The following PRDM10 variants were observed in gnomAD, a reference collection of about 807,000 sequenced individuals.
The protein encoded by PRDM10 is PR domain zinc finger protein 10.
PRDM10 carries 65 observed loss-of-function variants against 133.1 expected under a neutral mutation model. The ratio of observed to expected loss-of-function variants is 0.49; its 90% CI spans 0.40 to 0.60. The LOEUF is 0.60. Among genes scored for constraint, PRDM10 ranks in the 20% least tolerant of loss-of-function variants. PRDM10 has a pLI of 0.00. For synonymous variants in PRDM10, 582 were observed against 580.4 expected (o/e 1.00, Z -0.04); for missense variants, 1,137 against 1,507.1 (o/e 0.75, Z 4.07).
At position 129,918,859 on chromosome 11, in the gene PRDM10, G is replaced by A. The variant is rs566780273; in HGVS notation, c.2035-141C>T. 19 of 818,784 alleles carry A rather than the reference G, an allele frequency of 2.3e-5. No homozygotes were observed. The highest frequency in any genetic ancestry group is 1.2e-4 in the South Asian group (7 of 57,294). The allele number at this position is 818,784 out of a possible 1,614,324, so 50.7% of individuals were successfully genotyped here. Reference sequence around the variant, plus strand: ...ATTTGAGTTGCTGGAACACTAGGACGCAGACATGTTAAAAGTGGCTGGGAG... The same window carrying A: ...ATTTGAGTTGCTGGAACACTAGGACACAGACATGTTAAAAGTGGCTGGGAG... On this transcript the variant is annotated intron_variant, in intron 13 of 20. Transcript: ENST00000360871. The surrounding 1 kb of genome is among the most constrained non-coding windows in gnomAD (Gnocchi z 5.3).
rs1192990396 is a variant in PRDM10 at position 129,913,711 on chromosome 11, T to C, written c.2841+993A>G. Among the ~76,000 whole-genome samples the C allele has an allele frequency of 2.0e-5, 3 of 152,218 alleles. No individual in the cohort carries two copies. The East Asian group carries it at 5.8e-4, about 29-fold the overall frequency. ...ATATAGCTTCCTCCAAAGCCTGAAG[T>C]TAAAAACCCTCCATAAGAAAAACAA... On this transcript the variant is annotated intron_variant, in intron 17 of 20. Coordinates refer to ENST00000360871, the MANE Select transcript of PRDM10 (RefSeq NM_199437.2).
Position 129,947,691 on chromosome 11 carries a change from A to G in PRDM10, c.295-321T>C. On this transcript the variant is annotated intron_variant, in intron 4 of 20. Coordinates refer to ENST00000360871, the MANE Select transcript of PRDM10 (RefSeq NM_199437.2). This position sits in a 1 kb window ranked among gnomAD's most constrained non-coding sequence, Gnocchi z 4.6. ...AGTCAACACTGGCAAGGCCCTGACC[A>G]CCTGCGTCCTGACCCCACCCCTAAA... 1.6e-6 allele frequency: 1 copy of G among 616,418 alleles called. No individual in the cohort carries two copies. The highest frequency in any genetic ancestry group is 2.2e-5 in the South Asian group (1 of 46,456). 38.2% of individuals were successfully genotyped at this position (616,418 alleles called of 1,614,324 possible). A position where few individuals can be genotyped will look rare whatever the true frequency, so the allele number is the denominator to read the frequency against.
At chr11:129,974,540 A>T (rs1203194837) in intron 1 of PRDM10, among the ~76,000 whole-genome samples, 1 of 152,142 alleles carries the variant, frequency 6.6e-6, no homozygotes, top group Non-Finnish European at 1.5e-5. Context: ...AAGAAAAGAG[A>T]AACATGAATC....
At chr11:129,970,273 T>A (rs1951990603) in intron 1 of PRDM10, among the ~76,000 whole-genome samples, 1 of 152,248 alleles carries the variant, frequency 6.6e-6, no homozygotes, top group Non-Finnish European at 1.5e-5. Context: ...TTGGTTCATT[T>A]AATCCTCACA....
Position 129,942,648 on chromosome 11 carries a change from A to G in PRDM10, c.763-19T>C. On this transcript the variant is annotated intron_variant, in intron 6 of 20. Transcript: ENST00000360871. ...GAGAAACCTGCACGAAAAAAAAGCC[A>G]CACCAAAAACAAAACAAAACCTTCA... The G allele has an allele frequency of 6.3e-7, 1 of 1,584,806 alleles. No homozygotes were observed. Among genetic ancestry groups the G allele is most frequent in the Non-Finnish European group, 8.6e-7 (1 of 1,162,264 alleles).
chr11:129,918,170 G>A lies in PRDM10; in HGVS notation c.2214+369C>T, dbSNP rs907928021. On this transcript the variant is annotated intron_variant, in intron 14 of 20. Coordinates refer to ENST00000360871, the MANE Select transcript of PRDM10 (RefSeq NM_199437.2). The surrounding 1 kb of genome is among the most constrained non-coding windows in gnomAD (Gnocchi z 5.3). ...TAAAATAAAAGGGAACAGCTGGGGA[G>A]AAGGCAAATACCCCATTAAAAAAAT... Among the ~76,000 whole-genome samples the A allele has an allele frequency of 3.3e-5, 5 of 151,318 alleles. No homozygotes were observed. The highest frequency in any genetic ancestry group is 7.4e-5 in the Non-Finnish European group (5 of 67,912).
At chr11:129,984,812 G>A (rs1405371372) in intron 1 of PRDM10, among the ~76,000 whole-genome samples, 1 of 152,096 alleles carries the variant, frequency 6.6e-6, no homozygotes, top group Non-Finnish European at 1.5e-5. Flanking sequence ...CTCTCCTTCC[G>A]CTCATCCAGC....
Position 129,917,220 on chromosome 11 carries a change from C to T in PRDM10, c.2232G>A (p.Lys744=), listed in dbSNP as rs776470233. Residue 744 remains lysine (K), a synonymous_variant, in exon 15 of 21, where the codon AAG becomes AAA. Transcript: ENST00000360871. ...RRGMLVNHLS[K]RHPDMKIEEV... is the part of the protein sequence containing the mutation. ...CTTCTATCTTCATGTCTGGGTGTCT[C>T]TTCGATAAGTGATTTACCTAAAGGG... The T allele has an allele frequency of 1.2e-6, 2 of 1,612,314 alleles. No homozygotes were observed. The highest frequency in any genetic ancestry group is 8.5e-7 in the Non-Finnish European group (1 of 1,178,566).
intron 6 of PRDM10, 71 bp from the exon 7 acceptor site, chr11:129,942,700 A>T (rs910592485): frequency 7.6e-7 from 1 of 1,309,770 alleles, no homozygotes; most frequent in African/African-American, 1.5e-5. Context: ...ATAATGTCAC[A>T]ATACGCAAAA....
At chr11:129,997,563 G>A (rs1939130601) in intron 1 of PRDM10, among the ~76,000 whole-genome samples, 1 of 152,176 alleles carries the variant, frequency 6.6e-6, no homozygotes, top group African/African-American at 2.4e-5. Context: ...TCAAAGTATT[G>A]TGGTCTTTTT....
chr11:129,992,881 T>C (rs1458950864), intron 1 of PRDM10, among the ~76,000 whole-genome samples: 2 of 152,350 alleles, frequency 1.3e-5, no homozygotes, highest in African/African-American at 4.8e-5. Context: ...GAAACAAAGC[T>C]ACCTGTGTGT....
intron 2 of PRDM10, 64 bp downstream of exon 2, chr11:129,960,823 ATTTCTTTGC>A (rs1420012722): frequency 2.7e-6 from 4 of 1,490,642 alleles, no homozygotes; most frequent in Non-Finnish European, 3.7e-6. Context: ...TAGCAGCTGT[ATTTCTTTGC>A]TGTCAGCAAA....
At chr11:129,937,477 A>T (rs1951069643) in intron 8 of PRDM10, 121 bp downstream of exon 8, 1 of 759,278 alleles carries the variant, frequency 1.3e-6, no homozygotes, top group Non-Finnish European at 2.0e-6. Flanking sequence ...GTCTCTAAAA[A>T]ACCTACTGGA....
intron 4 of PRDM10, among the ~76,000 whole-genome samples, chr11:129,953,917 T>TTA (rs963206178): frequency 2.0e-5 from 3 of 147,196 alleles, no homozygotes; most frequent in African/African-American, 7.4e-5. Context: ...AATATATATA[T>TTA]TATATATATA....
chr11:129,909,853 A>AGC (rs1233259242), intron 19 of PRDM10, among the ~76,000 whole-genome samples: 1 of 152,232 alleles, frequency 6.6e-6, no homozygotes. Flanking sequence ...GATGATGGTC[A>AGC]GCTGCACAGT....
chr11:129,933,674 C>T (rs1455888494), intron 9 of PRDM10, among the ~76,000 whole-genome samples: 2 of 152,146 alleles, frequency 1.3e-5, no homozygotes, highest in African/African-American at 4.8e-5. Flanking sequence ...AGATTTTACC[C>T]TCAGGGGTCT....
At chr11:129,925,319 TGCAATCACAGAC>T in intron 11 of PRDM10, 90 bp from the exon 12 acceptor site, 4 of 1,228,016 alleles carry the variant, frequency 3.3e-6, no homozygotes, top group Non-Finnish European at 4.5e-6. Flanking sequence ...GGATGATCTC[TGCAATCACAGAC>T]TTCCCATAGA....
intron 19 of PRDM10, among the ~76,000 whole-genome samples, chr11:129,905,946 C>T (rs1034837314): frequency 1.3e-5 from 2 of 152,228 alleles, no homozygotes. Context: ...CAGAGACAAT[C>T]AGTGCATTCC....
chr11:129,948,882 T>G (rs1951504199), intron 4 of PRDM10, among the ~76,000 whole-genome samples: 1 of 152,216 alleles, frequency 6.6e-6, no homozygotes, highest in Non-Finnish European at 1.5e-5. Context: ...ATCCTGAACT[T>G]GCAGATAACT....
Sources: gnomAD v4.1 joint callset for allele counts (sites outside exome capture counted in the v4.1 genomes callset) on GRCh38, gnomAD v4.1.1 for gene constraint, Gnocchi (gnomAD v3.1) non-coding constraint, MANE v1.5 for transcripts, NCBI Gene and HGNC (gene_info 2026-07-23, HGNC 2026-07-21) for gene names.